The following ARID5B variants were observed in gnomAD, a reference collection of about 807,000 sequenced individuals.
ARID5B encodes AT-rich interactive domain-containing protein 5B.
In ARID5B, 13 loss-of-function variants were observed where a neutral mutation model predicts 97.2. The ratio of observed to expected loss-of-function variants is 0.13; its 90% CI spans 0.09 to 0.21. The LOEUF is 0.21. Among genes scored for constraint, ARID5B ranks in the 10% least tolerant of loss-of-function variants. The probability of loss-of-function intolerance (pLI) is 1.00; values close to 1 mark genes in which losing one functional copy is unlikely to be tolerated. For synonymous variants in ARID5B, 556 were observed against 570.3 expected, an observed-to-expected ratio of 0.97 and a Z score of 0.36; for missense variants, 1,210 against 1,465.3, an observed-to-expected ratio of 0.83 and a Z score of 2.84.
At chr10:61,909,449 C>T (rs906160039) in intron 2 of ARID5B, among the ~76,000 whole-genome samples, 2 of 151,806 alleles carry the variant, frequency 1.3e-5, no homozygotes, top group African/African-American at 4.8e-5. Context: ...CCTCAGCCTC[C>T]AGAGTAGCTG....
rs1244714524 is a variant in ARID5B at position 62,091,705 on chromosome 10, C to T, written c.2242C>T (p.Arg748Trp). The T allele has an allele frequency of 5.0e-6, 8 of 1,613,992 alleles. No individual in the cohort carries two copies. Among genetic ancestry groups the T allele is most frequent in the African/African-American group, 1.3e-5 (1 of 74,900 alleles). The change falls in exon 10 of 10, where the codon CGG (arginine) becomes TGG (tryptophan). Residue 748 changes from arginine (R) to tryptophan (W), a missense_variant. Physicochemically the swap from Arg to Trp is moderately radical, Grantham distance 101 (BLOSUM62 -3). Transcript: ENST00000279873. ...GQSTDHMAVS[R>W]PSVIQHVQSF... ...AAGCACTGACCATATGGCGGTCAGC[C>T]GGCCATCAGTGATTCAGCACGTCCA...
Position 61,902,180 on chromosome 10 carries a change from T to C in ARID5B, c.43T>C (p.Leu15=). ...GCAGTGGGTCGGCTCACCGTGTGGC[T>C]TGCACGGACCTTACATTTTCTACAA... ...SLQWVGSPCG[L]HGPYIFYKAF... is the part of the protein sequence containing the mutation. The change falls in exon 2 of 10, where the codon TTG becomes CTG. Residue 15 remains leucine, a synonymous_variant. Coordinates refer to ENST00000279873, the MANE Select transcript of ARID5B (RefSeq NM_032199.3). 1.2e-6 allele frequency: 2 copies of C among 1,613,068 alleles called. No homozygotes were observed. Among genetic ancestry groups the C allele is most frequent in the Non-Finnish European group, 1.7e-6 (2 of 1,180,008 alleles).
At chr10:61,980,270 C>G (rs931969818) in intron 3 of ARID5B, among the ~76,000 whole-genome samples, 1 of 152,210 alleles carries the variant, frequency 6.6e-6, no homozygotes, top group African/African-American at 2.4e-5. Context: ...TGGTCACAGT[C>G]TCCCTAGAAG....
intron 3 of ARID5B, among the ~76,000 whole-genome samples, chr10:61,959,926 T>A (rs1838446074): frequency 6.6e-6 from 1 of 152,170 alleles, no homozygotes; most frequent in African/African-American, 2.4e-5. Context: ...AAAATTTGAA[T>A]GACATTTGAG....
intron 8 of ARID5B, among the ~76,000 whole-genome samples, chr10:62,081,178 A>G (rs1009696240): frequency 1.3e-5 from 2 of 152,176 alleles, no homozygotes; most frequent in African/African-American, 4.8e-5. Context: ...CTCCAAGGAC[A>G]CCAGCAAACC....
intron 3 of ARID5B, among the ~76,000 whole-genome samples, chr10:61,998,937 G>A (rs1839039211): frequency 6.6e-6 from 1 of 152,208 alleles, no homozygotes; most frequent in Non-Finnish European, 1.5e-5. Flanking sequence ...CAGGGGTTCT[G>A]CTTCATGTTA....
intron 2 of ARID5B, among the ~76,000 whole-genome samples, chr10:61,924,677 T>C (rs1190914215): frequency 6.6e-6 from 1 of 152,218 alleles, no homozygotes; most frequent in Non-Finnish European, 1.5e-5. Context: ...TTACTCGGTT[T>C]GTACATTAAA....
At chr10:62,084,612 C>T (rs1201135192) in intron 8 of ARID5B, among the ~76,000 whole-genome samples, 1 of 152,124 alleles carries the variant, frequency 6.6e-6, no homozygotes, top group African/African-American at 2.4e-5. Context: ...ATTAATCATA[C>T]CAAATGCATT....
intron 3 of ARID5B, among the ~76,000 whole-genome samples, chr10:61,994,546 T>G (rs1280984538): frequency 6.6e-6 from 1 of 152,188 alleles, no homozygotes; most frequent in Non-Finnish European, 1.5e-5. Flanking sequence ...CATCTCTCTT[T>G]GTACAAAGAC....
intron 8 of ARID5B, 30 bp downstream of exon 8, chr10:62,069,827 T>C (rs1840039347): frequency 6.2e-7 from 1 of 1,604,220 alleles, no homozygotes; most frequent in Non-Finnish European, 8.5e-7. Context: ...AATTGCTTAG[T>C]TAAAAGTGTG....
Position 61,914,671 on chromosome 10 carries a change from CACA to C in ARID5B, c.276+12262_276+12264del, listed in dbSNP as rs544947152. On this transcript the variant is annotated intron_variant, in intron 2 of 9. Coordinates refer to ENST00000279873, the MANE Select transcript of ARID5B (RefSeq NM_032199.3). Reference sequence around the variant, plus strand: ...ACTGTGTTTTCAATGAAGTCAAAGTCACAACATTTTCCATTAATTCAGTGACCA... The same window carrying C: ...ACTGTGTTTTCAATGAAGTCAAAGTCACATTTTCCATTAATTCAGTGACCA... Among the ~76,000 whole-genome samples the C allele has an allele frequency of 1.2e-3, 180 of 152,324 alleles. 1 individual carries two copies. Among genetic ancestry groups the C allele is most frequent in the African/African-American group, 4.1e-3 (170 of 41,566 alleles).
intron 3 of ARID5B, among the ~76,000 whole-genome samples, chr10:61,964,190 CA>C (rs1838513009): frequency 6.6e-6 from 1 of 152,128 alleles, no homozygotes; most frequent in Non-Finnish European, 1.5e-5. Context: ...TTGTGTGTGT[CA>C]GGAGTTAACC....
chr10:62,039,054 G>A lies in ARID5B; in HGVS notation c.734-11834G>A, dbSNP rs146490031. Among the ~76,000 whole-genome samples, 496 of 152,276 alleles carry A rather than the reference G, an allele frequency of 3.3e-3. 2 individuals carry two copies. Among genetic ancestry groups the A allele is most frequent in the African/African-American group, 0.011 (474 of 41,546 alleles). ...AGACAAGAGCTTTTGCCCAAATAAG[G>A]ATCCCTTTTGTGCAGACCCCATGTG... On this transcript the variant is annotated intron_variant, in intron 4 of 9. Transcript: ENST00000279873.
chr10:61,970,098 G>C (rs1240031830), intron 3 of ARID5B, among the ~76,000 whole-genome samples: 1 of 152,142 alleles, frequency 6.6e-6, no homozygotes, highest in Non-Finnish European at 1.5e-5. Flanking sequence ...GCCTTGATTA[G>C]CCATATTGAA....
At chr10:61,945,397 C>G (rs1271486144) in intron 3 of ARID5B, among the ~76,000 whole-genome samples, 1 of 152,074 alleles carries the variant, frequency 6.6e-6, no homozygotes, top group Non-Finnish European at 1.5e-5. Context: ...TCTGTACTCA[C>G]TTCATTGCTG....
rs1840379365 is a variant in ARID5B at position 62,091,841 on chromosome 10, T to G, written c.2378T>G (p.Leu793Arg). ...PHRCSFSKHH[L>R]NPLADSYVLK... ...CGCTGCAGCTTCTCCAAGCATCACCTTAACCCCCTTGCTGACTCCTACGTC... is the reference window on the plus strand; with the variant it reads ...CGCTGCAGCTTCTCCAAGCATCACCGTAACCCCCTTGCTGACTCCTACGTC... Residue 793 changes from leucine to arginine, a missense_variant, in exon 10 of 10, where the codon CTT (leucine) becomes CGT (arginine). Around this residue, in one of 8 missense-constraint regions of ARID5B, gnomAD observed 800 missense variants for 839.1 expected, o/e 0.95. Coordinates refer to ENST00000279873, the MANE Select transcript of ARID5B (RefSeq NM_032199.3). The G allele has an allele frequency of 6.2e-7, 1 of 1,613,974 alleles. No homozygotes were observed. Among genetic ancestry groups the G allele is most frequent in the African/African-American group, 1.3e-5 (1 of 74,908 alleles).
intron 7 of ARID5B, among the ~76,000 whole-genome samples, chr10:62,063,510 T>G (rs1465814391): frequency 7.1e-6 from 1 of 141,736 alleles, no homozygotes; most frequent in South Asian, 2.2e-4. Context: ...CAAATTGAAT[T>G]AAAAAAAAAA....
chr10:62,018,571 G>A (rs1350511344), intron 4 of ARID5B, among the ~76,000 whole-genome samples: 1 of 149,312 alleles, frequency 6.7e-6, no homozygotes, highest in Non-Finnish European at 1.5e-5. Flanking sequence ...CATGAGACGC[G>A]TTCCTGACCT....
Position 62,050,893 on chromosome 10 carries a change from A to C in ARID5B, c.739A>C (p.Asn247His). Residue 247 changes from asparagine (N) to histidine (H), a missense_variant, in exon 5 of 10, where the codon AAT (asparagine) becomes CAT (histidine). By Grantham distance (68) the Asn-to-His change is moderately conservative (BLOSUM62 1). Coordinates refer to ENST00000279873, the MANE Select transcript of ARID5B (RefSeq NM_032199.3). Reference protein sequence around the residue: ...NESICDEFAPNLKGRPRKKKP... With the variant: ...NESICDEFAPHLKGRPRKKKP... Reference sequence around the variant, plus strand: ...TGTTTTCCATTTGTTTTCAGCGCCAAATCTTAAAGGCAGACCACGCAAAAA... The same window carrying C: ...TGTTTTCCATTTGTTTTCAGCGCCACATCTTAAAGGCAGACCACGCAAAAA... The C allele has an allele frequency of 1.2e-6, 2 of 1,613,420 alleles. No homozygotes were observed. The highest frequency in any genetic ancestry group is 1.7e-6 in the Non-Finnish European group (2 of 1,179,764).
Sources: allele counts gnomAD v4.1 joint callset (sites outside exome capture counted in the v4.1 genomes callset), GRCh38; gene constraint gnomAD v4.1.1; regional missense constraint gnomAD v4.1.1; transcripts MANE v1.5; gene names NCBI Gene and HGNC (gene_info 2026-07-23, HGNC 2026-07-21).